Variants in IFT140 observed in about 807,000 individuals in gnomAD.
IFT140 encodes intraflagellar transport protein 140 homolog.
Under a neutral mutation model 164.6 loss-of-function variants are expected in IFT140, and 133 were observed. The ratio of observed to expected loss-of-function variants is 0.81; its 90% CI spans 0.70 to 0.93. IFT140 has a LOEUF of 0.93. Ranked by LOEUF, IFT140 falls within the 40% of genes least tolerant of loss-of-function variation. The pLI is 0.00. For missense variants in IFT140, 2,045 were observed against 1,972.3 expected (o/e 1.04, Z -0.70); for synonymous variants, 860 against 817.3 (o/e 1.05, Z -0.89).
chr16:1,587,922 C>G lies in IFT140; in HGVS notation c.902+11G>C, dbSNP rs770905656. ...CTCTCATCAAGGGGCACTGGAAAGG[C>G]AGACTCTCACCTGAGGGCAGCCTCC... On this transcript the variant is annotated intron_variant, in intron 8 of 30. Transcript: ENST00000426508. 6.2e-7 allele frequency: 1 copy of G among 1,601,268 alleles called. No individual in the cohort carries two copies. Among genetic ancestry groups the G allele is most frequent in the South Asian group, 1.1e-5 (1 of 89,508 alleles).
At chr16:1,585,369 A>C (rs2034812319) in intron 10 of IFT140, among the ~76,000 whole-genome samples, 1 of 152,162 alleles carries the variant, frequency 6.6e-6, no homozygotes, top group Non-Finnish European at 1.5e-5. Flanking sequence ...GAATGGGCAA[A>C]TCCTTAGAGA....
chr16:1,600,827 C>T (rs191428112), intron 4 of IFT140, among the ~76,000 whole-genome samples: 77 of 151,852 alleles, frequency 5.1e-4, no homozygotes, highest in African/African-American at 1.8e-3. Flanking sequence ...ACAAACACAG[C>T]CAACTTGAGT....
chr16:1,555,407 CT>C (rs1287399011), intron 19 of IFT140: 2 of 192,892 alleles, frequency 1.0e-5, no homozygotes, highest in Admixed American at 5.6e-5. Flanking sequence ...ATATCTTACA[CT>C]TTGGTAAAGC....
At chr16:1,604,113 T>C (rs2035928780) in intron 3 of IFT140, among the ~76,000 whole-genome samples, 1 of 152,264 alleles carries the variant, frequency 6.6e-6, no homozygotes, top group African/African-American at 2.4e-5. Context: ...TATAGGCTCC[T>C]GCAAGGGAGA....
At chr16:1,534,559 A>AGTCCAATTGTTTTCCTGAT (rs1206927470) in intron 19 of IFT140, 1 of 1,601,518 alleles carries the variant, frequency 6.2e-7, no homozygotes, top group Non-Finnish European at 8.5e-7. Context: ...GTCAAACGTA[A>AGTCCAATTGTTTTCCTGAT]GTCCAATTGT....
At chr16:1,523,148 A>G (rs2040570579) in intron 26 of IFT140, among the ~76,000 whole-genome samples, 1 of 151,268 alleles carries the variant, frequency 6.6e-6, no homozygotes, top group East Asian at 1.9e-4. Context: ...GAGCCTGGGA[A>G]GTTGAGGCTG....
Position 1,553,086 on chromosome 16 carries a change from G to T in IFT140, c.2399+4849C>A, listed in dbSNP as rs1387229605. ...CAGGACAAAATGGAGATAGATAAAT[G>T]CTTAATTCATACTTTCTGGAGGGTA... On this transcript the variant is annotated intron_variant, in intron 19 of 30. Coordinates refer to ENST00000426508, the MANE Select transcript of IFT140 (RefSeq NM_014714.4). This position sits in a 1 kb window ranked among gnomAD's most constrained non-coding sequence, Gnocchi z 4.4. The T allele has an allele frequency of 3.0e-6, 3 of 985,294 alleles. No homozygotes were observed. Among genetic ancestry groups the T allele is most frequent in the East Asian group, 2.3e-4 (2 of 8,834 alleles). 61.0% of individuals were successfully genotyped at this position (985,294 alleles called of 1,614,324 possible). A position where few individuals can be genotyped will look rare whatever the true frequency, so the allele number is the denominator to read the frequency against.
chr16:1,551,218 GCCTGCCCTGT>G lies in IFT140; in HGVS notation c.2399+6707_2399+6716del. ...GTGGGGCAAGTTCTGGCCCCGGGGA[GCCTGCCCTGT>G]GGCGGGGGAGAGCGGCCAGAGCCAC... On this transcript the variant is annotated intron_variant, in intron 19 of 30. Transcript: ENST00000426508. This position sits in a 1 kb window ranked among gnomAD's most constrained non-coding sequence, Gnocchi z 4.0. Among the ~76,000 whole-genome samples the G allele has an allele frequency of 6.6e-6, 1 of 152,372 alleles. No homozygotes were observed. The highest frequency in any genetic ancestry group is 1.5e-5 in the Non-Finnish European group (1 of 68,040).
At chr16:1,595,158 G>A (rs758282066) in intron 4 of IFT140, among the ~76,000 whole-genome samples, 28 of 152,264 alleles carry the variant, frequency 1.8e-4, no homozygotes, top group Admixed American at 1.5e-3. Context: ...GGCGGCGGGC[G>A]CCTGTAGTCC....
Position 1,592,657 on chromosome 16 carries a change from C to CCCGGCAGAG in IFT140, c.370-70_370-69insCTCTGCCGG, listed in dbSNP as rs1261357274. The CCCGGCAGAG allele has an allele frequency of 3.3e-6, 5 of 1,529,686 alleles. No individual in the cohort carries two copies. In the African/African-American group the frequency reaches 5.8e-5, roughly 18 times the overall value. 94.8% of individuals were successfully genotyped at this position (1,529,686 alleles called of 1,614,324 possible). A position where few individuals can be genotyped will look rare whatever the true frequency, so the allele number is the denominator to read the frequency against. On this transcript the variant is annotated intron_variant, in intron 4 of 30. Coordinates refer to ENST00000426508, the MANE Select transcript of IFT140 (RefSeq NM_014714.4). ...GAGCGACTGGTGGAGGGACAGGTGT[C>CCCGGCAGAG]CTGGCAGAGCGACTGGTGGTGGGAC...
At chr16:1,556,497 G>A (rs532437910) in intron 19 of IFT140, among the ~76,000 whole-genome samples, 14 of 152,234 alleles carry the variant, frequency 9.2e-5, no homozygotes, top group South Asian at 6.2e-4. Context: ...CAGGCCACCC[G>A]CTGCTAATAT....
intron 17 of IFT140, among the ~76,000 whole-genome samples, chr16:1,562,997 G>A (rs2033500724): frequency 6.6e-6 from 1 of 152,116 alleles, no homozygotes; most frequent in South Asian, 2.1e-4. Flanking sequence ...GCTACCTGGT[G>A]TGAGTTCAGA....
At chr16:1,592,053 C>T in intron 6 of IFT140, 123 bp downstream of exon 6, 1 of 1,069,746 alleles carries the variant, frequency 9.3e-7, no homozygotes, top group South Asian at 1.5e-5. Flanking sequence ...CGTCATCTTT[C>T]TGTGCAGCCT....
At position 1,564,610 on chromosome 16, in the gene IFT140, C is replaced by G. The variant is rs570336328; in HGVS notation, c.1902-448G>C. On this transcript the variant is annotated intron_variant, in intron 16 of 30. Transcript: ENST00000426508. This position sits in a 1 kb window ranked among gnomAD's most constrained non-coding sequence, Gnocchi z 5.5. ...GCTGCCCCTTGGACCCAGGTCCCTCCCATCTCTAAAGTTCTATGTTGGATG... is the reference window on the plus strand; with the variant it reads ...GCTGCCCCTTGGACCCAGGTCCCTCGCATCTCTAAAGTTCTATGTTGGATG... 6.6e-6 allele frequency among the ~76,000 whole-genome samples: 1 copy of G among 152,206 alleles called. No individual in the cohort carries two copies. Among genetic ancestry groups the G allele is most frequent in the Non-Finnish European group, 1.5e-5 (1 of 68,028 alleles).
chr16:1,543,842 G>A (rs4558418), intron 19 of IFT140, among the ~76,000 whole-genome samples: 35,806 of 152,036 alleles, frequency 0.24, 4,496 homozygotes, highest in South Asian at 0.33. Flanking sequence ...AATCTCTACC[G>A]CGTGCAGGAA....
chr16:1,513,835 G>T (rs779127461), intron 30 of IFT140, among the ~76,000 whole-genome samples: 1 of 148,028 alleles, frequency 6.8e-6, no homozygotes, highest in Non-Finnish European at 1.5e-5. Context: ...CACCACACCC[G>T]GCTAATTTTT....
At chr16:1,535,580 A>G (rs1313059918) in intron 19 of IFT140, among the ~76,000 whole-genome samples, 2 of 152,156 alleles carry the variant, frequency 1.3e-5, no homozygotes, top group African/African-American at 4.8e-5. Flanking sequence ...CTGGGGTAAC[A>G]CACATCACGT....
Position 1,523,638 on chromosome 16 carries a change from C to G in IFT140, c.3333G>C (p.Gln1111His). ...AFATQQFVAL[Q>H]LIAEDLDETS... The stretch of plus-strand genomic sequence containing the variant: ...TCTCATCCAGGTCCTCTGCTATGAG[C>G]TGTAGGGCCACAAACTGCTGGGTGG... The change falls in exon 26 of 31, where the codon CAG (glutamine) becomes CAC (histidine). Residue 1111 changes from glutamine to histidine, a missense_variant. Gln to His is a conservative substitution (Grantham distance 24). Coordinates refer to ENST00000426508, the MANE Select transcript of IFT140 (RefSeq NM_014714.4). The G allele has an allele frequency of 6.2e-7, 1 of 1,613,992 alleles. No homozygotes were observed. Among genetic ancestry groups the G allele is most frequent in the Non-Finnish European group, 8.5e-7 (1 of 1,180,018 alleles).
At chr16:1,552,282 C>A (rs2032713232) in intron 19 of IFT140, among the ~76,000 whole-genome samples, 1 of 152,060 alleles carries the variant, frequency 6.6e-6, no homozygotes, top group African/African-American at 2.4e-5. Flanking sequence ...GCTTGCATCG[C>A]CCCCCTGCTG....
Sources: allele counts gnomAD v4.1 joint callset (sites outside exome capture counted in the v4.1 genomes callset), GRCh38; gene constraint gnomAD v4.1.1; non-coding constraint Gnocchi (gnomAD v3.1); transcripts MANE v1.5; gene names NCBI Gene and HGNC (gene_info 2026-07-23, HGNC 2026-07-21).